AP1B1: variants seen among roughly 807,000 people sequenced by gnomAD.
AP1B1 encodes the protein AP-1 complex subunit beta-1.
Under a neutral mutation model 104.3 loss-of-function variants are expected in AP1B1, and 36 were observed. The observed-to-expected ratio is 0.35, with a 90% confidence interval of 0.26 to 0.46. The LOEUF (loss-of-function observed/expected upper bound fraction) is 0.46. AP1B1 is among the 20% of genes least tolerant of loss of function. AP1B1 has a pLI of 1.00. For synonymous variants in AP1B1, 504 were observed against 517.5 expected, an observed-to-expected ratio of 0.97 and a Z score of 0.35; for missense variants, 901 against 1,247.9, an observed-to-expected ratio of 0.72 and a Z score of 4.19.
intron 1 of AP1B1, among the ~76,000 whole-genome samples, chr22:29,387,176 A>C (rs1251406551): frequency 6.6e-6 from 1 of 152,224 alleles, no homozygotes; most frequent in Non-Finnish European, 1.5e-5. Context: ...GGTATCACTA[A>C]TAGCAACAGC....
intron 1 of AP1B1, among the ~76,000 whole-genome samples, chr22:29,371,418 G>T (rs577139575): frequency 2.0e-4 from 30 of 152,250 alleles, no homozygotes; most frequent in Admixed American, 1.8e-3. Context: ...GAATCTGATC[G>T]GGTACACGAA....
chr22:29,368,333 G>A (rs1252140202), intron 1 of AP1B1, among the ~76,000 whole-genome samples: 1 of 151,986 alleles, frequency 6.6e-6, no homozygotes, highest in African/African-American at 2.4e-5. Flanking sequence ...AGAAAGTACT[G>A]AAGCTCTGCC....
At chr22:29,374,299 T>G (rs1212345296) in intron 1 of AP1B1, among the ~76,000 whole-genome samples, 2 of 151,624 alleles carry the variant, frequency 1.3e-5, no homozygotes, top group Non-Finnish European at 2.9e-5. Context: ...GTCTTTGGAG[T>G]GTGACATCAA....
chr22:29,360,149 C>T (rs933228402), intron 3 of AP1B1, among the ~76,000 whole-genome samples, 190 bp from the exon 4 acceptor site: 3 of 152,160 alleles, frequency 2.0e-5, no homozygotes, highest in African/African-American at 7.2e-5. Context: ...AAGGGAATCC[C>T]AAAGGGTAAT....
chr22:29,350,635 CGGG>C (rs1041999724), intron 9 of AP1B1, among the ~76,000 whole-genome samples: 7 of 152,056 alleles, frequency 4.6e-5, no homozygotes, highest in South Asian at 4.1e-4. Flanking sequence ...GGGGATAGGT[CGGG>C]GGCGACCACC....
intron 1 of AP1B1, among the ~76,000 whole-genome samples, chr22:29,374,630 T>A (rs1464692968): frequency 6.6e-6 from 1 of 152,198 alleles, no homozygotes; most frequent in Non-Finnish European, 1.5e-5. Context: ...ACACCCCATG[T>A]TGGAGCTGAC....
At position 29,331,830 on chromosome 22, in the gene AP1B1, G is replaced by A. The variant is rs767707068; in HGVS notation, c.2396C>T (p.Thr799Met). Reference sequence around the variant, plus strand: ...CTCCATCTTCATGACCGAGCCCACCGTGCTGAGAGGCAGGGAGATCTCCAC... The same window carrying A: ...CTCCATCTTCATGACCGAGCCCACCATGCTGAGAGGCAGGGAGATCTCCAC... ...QTVEISLPLS[T>M]VGSVMKMEPL... Residue 799 changes from threonine to methionine, a missense_variant, in exon 18 of 23, where the codon ACG (threonine) becomes ATG (methionine). Around this residue, in one of 3 missense-constraint regions of AP1B1, gnomAD observed 424 missense variants for 494.0 expected, o/e 0.86. Coordinates refer to ENST00000357586, the MANE Select transcript of AP1B1 (RefSeq NM_001127.4). 9 of 1,612,518 alleles carry A rather than the reference G, an allele frequency of 5.6e-6. No homozygotes were observed. The highest frequency in any genetic ancestry group is 4.0e-5 in the African/African-American group (3 of 74,880).
In AP1B1 at chr22:29,350,124, C is replaced by T. The variant is rs539416544; in HGVS notation, c.1182G>A (p.Thr394=). Reference sequence around the variant, plus strand: ...CCTTGGTCTGGATGAGGTCGAGCAGCGTGCTCACACAGCGCTCCGCAGATT... The same window carrying T: ...CCTTGGTCTGGATGAGGTCGAGCAGTGTGCTCACACAGCGCTCCGCAGATT... ...VEQSAERCVS[T]LLDLIQTKVN... Residue 394 remains threonine, a synonymous_variant, in exon 10 of 23, where the codon ACG becomes ACA. Transcript: ENST00000357586. 30 of 1,614,056 alleles carry T rather than the reference C, an allele frequency of 1.9e-5. No individual in the cohort carries two copies. The highest frequency in any genetic ancestry group is 6.7e-5 in the Admixed American group (4 of 60,004).
chr22:29,383,438 C>T (rs1387020470), intron 1 of AP1B1, among the ~76,000 whole-genome samples: 6 of 152,120 alleles, frequency 3.9e-5, no homozygotes, highest in South Asian at 2.1e-4. Flanking sequence ...GGGCCGGGTG[C>T]GGTGGCTCAC....
At chr22:29,333,467 C>A (rs760958894) in intron 17 of AP1B1, among the ~76,000 whole-genome samples, 1 of 152,194 alleles carries the variant, frequency 6.6e-6, no homozygotes, top group Non-Finnish European at 1.5e-5. Flanking sequence ...AGATGGGCCC[C>A]TCCTATGTGG....
At chr22:29,329,384 A>C in intron 22 of AP1B1, 1 of 1,245,546 alleles carries the variant, frequency 8.0e-7, no homozygotes, top group South Asian at 2.5e-5. Context: ...CCTGAGCTTG[A>C]GATCACAGGC....
intron 7 of AP1B1, 22 bp from the exon 8 acceptor site, chr22:29,351,847 C>T (rs2061880322): frequency 1.2e-6 from 2 of 1,609,686 alleles, no homozygotes; most frequent in South Asian, 1.1e-5. Flanking sequence ...GCAGGATGCC[C>T]GGAGAGCAAA....
intron 11 of AP1B1, among the ~76,000 whole-genome samples, chr22:29,346,797 G>C (rs1022659252): frequency 2.6e-4 from 40 of 152,168 alleles, no homozygotes; most frequent in African/African-American, 8.0e-4. Flanking sequence ...GTGGCAGTGG[G>C]GGGGGGTGAC....
chr22:29,329,214 C>T (rs1010229404), intron 22 of AP1B1: 4 of 1,221,758 alleles, frequency 3.3e-6, no homozygotes, highest in Non-Finnish European at 4.1e-6. Context: ...TGCCCGGCCC[C>T]CCAGAGTCCC....
chr22:29,374,708 C>T (rs927688643), intron 1 of AP1B1, among the ~76,000 whole-genome samples: 8 of 152,174 alleles, frequency 5.3e-5, no homozygotes, highest in Admixed American at 2.6e-4. Context: ...TGAAGCAAAT[C>T]GGTAACAGCC....
chr22:29,329,616 G>T, intron 22 of AP1B1, 96 bp downstream of exon 22: 1 of 1,582,532 alleles, frequency 6.3e-7, no homozygotes, highest in Non-Finnish European at 8.6e-7. Flanking sequence ...GAGGCCAAGA[G>T]ATGAGGTGCA....
At position 29,330,363 on chromosome 22, in the gene AP1B1, T is replaced by C; in HGVS notation, c.2766+15A>G. On this transcript the variant is annotated intron_variant, in intron 21 of 22. Coordinates refer to ENST00000357586, the MANE Select transcript of AP1B1 (RefSeq NM_001127.4). ...GGAGGCTCCAAGGCTGCAGGGCGGGTGCCGGGGCTCTCACCGTGCAGCTGG... is the reference window on the plus strand; with the variant it reads ...GGAGGCTCCAAGGCTGCAGGGCGGGCGCCGGGGCTCTCACCGTGCAGCTGG... 6.2e-7 allele frequency: 1 copy of C among 1,612,382 alleles called. No homozygotes were observed. Among genetic ancestry groups the C allele is most frequent in the Non-Finnish European group, 8.5e-7 (1 of 1,179,516 alleles).
At chr22:29,354,975 C>T (rs1262263056) in intron 6 of AP1B1, 104 bp from the exon 7 acceptor site, 2 of 1,025,692 alleles carry the variant, frequency 1.9e-6, no homozygotes, top group Non-Finnish European at 2.9e-6. Flanking sequence ...ATAGTTCACG[C>T]CTGTAATCCC....
intron 1 of AP1B1, among the ~76,000 whole-genome samples, chr22:29,377,261 C>T (rs541940645): frequency 7.1e-6 from 1 of 141,288 alleles, no homozygotes; most frequent in South Asian, 2.3e-4. Context: ...GTTCACTTTA[C>T]AGACAGGGAA....
Sources: allele counts gnomAD v4.1 joint callset (sites outside exome capture counted in the v4.1 genomes callset), GRCh38; gene constraint gnomAD v4.1.1; regional missense constraint gnomAD v4.1.1; transcripts MANE v1.5; gene names NCBI Gene and HGNC (gene_info 2026-07-23, HGNC 2026-07-21).